SSBP2: variants seen among roughly 807,000 people sequenced by gnomAD.
The protein encoded by SSBP2 is single stranded DNA binding protein 2.
Under a neutral mutation model 61.8 loss-of-function variants are expected in SSBP2, and 17 were observed. The observed-to-expected ratio is 0.28, with a 90% CI of 0.19 to 0.41. The LOEUF (loss-of-function observed/expected upper bound fraction) is 0.41, where lower values mean the gene tolerates loss of function less well. Ranked by LOEUF, SSBP2 falls within the 10% of genes least tolerant of loss-of-function variation. The pLI is 1.00. For missense variants in SSBP2, 310 were observed against 458.7 expected (o/e 0.68, Z 2.96); for synonymous variants, 139 against 141.3 (o/e 0.98, Z 0.12).
In SSBP2 at chr5:81,482,901, G is replaced by A. The variant is rs145501664; in HGVS notation, c.432+6349C>T. Among the ~76,000 whole-genome samples, 708 of 152,116 alleles carry A rather than the reference G, an allele frequency of 4.7e-3. 3 individuals are homozygous for A. The highest frequency in any genetic ancestry group is 0.016 in the African/African-American group (646 of 41,492). ...TCCTCACTAAATGTAATCATTTTTA[G>A]CTTCTGATTTAAAGTGAGCGATGTG... On this transcript the variant is annotated intron_variant, in intron 6 of 16. Coordinates refer to ENST00000320672, the MANE Select transcript of SSBP2 (RefSeq NM_012446.5).
chr5:81,502,244 G>A (rs180903230), intron 5 of SSBP2, among the ~76,000 whole-genome samples: 48 of 152,256 alleles, frequency 3.2e-4, no homozygotes, highest in Middle Eastern at 3.4e-3. Context: ...TGACTAATTT[G>A]ACCTATCAGC....
At chr5:81,627,373 T>G (rs2153646659) in intron 3 of SSBP2, among the ~76,000 whole-genome samples, 1 of 152,320 alleles carries the variant, frequency 6.6e-6, no homozygotes, top group African/African-American at 2.4e-5. Context: ...TCACCTACAC[T>G]GTCTTATACG....
At chr5:81,535,209 A>T (rs1204119594) in intron 4 of SSBP2, among the ~76,000 whole-genome samples, 1 of 152,136 alleles carries the variant, frequency 6.6e-6, no homozygotes, top group African/African-American at 2.4e-5. Context: ...TTAGGTATAA[A>T]TCTAATAAAA....
intron 1 of SSBP2, among the ~76,000 whole-genome samples, chr5:81,686,336 T>C (rs552013081): frequency 6.6e-6 from 1 of 152,342 alleles, no homozygotes; most frequent in South Asian, 2.1e-4. Context: ...CTGAATAAAA[T>C]GTAATATTTA....
At chr5:81,701,656 A>T (rs1387131986) in intron 1 of SSBP2, among the ~76,000 whole-genome samples, 1 of 152,212 alleles carries the variant, frequency 6.6e-6, no homozygotes, top group Non-Finnish European at 1.5e-5. Context: ...TAATTTTATA[A>T]GGCCTTTTAT....
intron 1 of SSBP2, among the ~76,000 whole-genome samples, chr5:81,661,552 C>A (rs1007274691): frequency 1.3e-5 from 2 of 151,704 alleles, no homozygotes; most frequent in Admixed American, 1.3e-4. Flanking sequence ...TAACAGGTGT[C>A]AAGTGATACC....
chr5:81,731,726 CAT>C (rs1756278642), intron 1 of SSBP2, among the ~76,000 whole-genome samples: 1 of 151,960 alleles, frequency 6.6e-6, no homozygotes, highest in South Asian at 2.1e-4. Context: ...TGGGAAGACT[CAT>C]ACCCAAAATT....
chr5:81,651,494 A>AGAGT (rs1749727086), intron 1 of SSBP2, among the ~76,000 whole-genome samples: 5 of 152,198 alleles, frequency 3.3e-5, no homozygotes, highest in Non-Finnish European at 7.3e-5. Context: ...GTAGCTACTA[A>AGAGT]ACACCTTGAG....
intron 1 of SSBP2, among the ~76,000 whole-genome samples, chr5:81,660,995 C>A (rs1246627481): frequency 1.3e-5 from 2 of 148,758 alleles, no homozygotes; most frequent in African/African-American, 5.0e-5. Context: ...CAACATAAAC[C>A]GGAGCCTGTT....
chr5:81,422,422 C>T (rs966806300), intron 16 of SSBP2, among the ~76,000 whole-genome samples: 1 of 152,122 alleles, frequency 6.6e-6, no homozygotes, highest in African/African-American at 2.4e-5. Context: ...CAAAAACATG[C>T]ACTGTTCCTG....
intron 1 of SSBP2, among the ~76,000 whole-genome samples, chr5:81,678,061 A>G (rs563928140): frequency 2.6e-5 from 4 of 152,234 alleles, no homozygotes; most frequent in African/African-American, 9.6e-5. Flanking sequence ...GAGACTGAAC[A>G]AGAACCAGAA....
intron 1 of SSBP2, among the ~76,000 whole-genome samples, chr5:81,672,312 AC>A (rs1751633883): frequency 6.6e-6 from 1 of 152,172 alleles, no homozygotes; most frequent in Non-Finnish European, 1.5e-5. Flanking sequence ...TACTATGAAA[AC>A]TGTTGGAACA....
intron 4 of SSBP2, among the ~76,000 whole-genome samples, chr5:81,613,230 C>CAA (rs1164656127): frequency 6.6e-6 from 1 of 151,680 alleles, no homozygotes; most frequent in Non-Finnish European, 1.5e-5. Context: ...ACACAATGTG[C>CAA]TAATATTCAT....
At chr5:81,425,141 T>C (rs1480974365) in intron 16 of SSBP2, among the ~76,000 whole-genome samples, 2 of 152,254 alleles carry the variant, frequency 1.3e-5, no homozygotes, top group African/African-American at 2.4e-5. Context: ...TTGTGATTTT[T>C]TCCTTATTAT....
chr5:81,525,842 CCTGT>C (rs1425640132), intron 4 of SSBP2, among the ~76,000 whole-genome samples: 2 of 151,982 alleles, frequency 1.3e-5, no homozygotes, highest in African/African-American at 4.8e-5. Context: ...CTAGAATGGC[CCTGT>C]CTTAGAATCC....
At chr5:81,528,667 A>T (rs1770147559) in intron 4 of SSBP2, among the ~76,000 whole-genome samples, 1 of 152,064 alleles carries the variant, frequency 6.6e-6, no homozygotes, top group Non-Finnish European at 1.5e-5. Context: ...TAAAATAATC[A>T]TTTATTTCAT....
At chr5:81,488,173 A>T (rs2154050852) in intron 6 of SSBP2, among the ~76,000 whole-genome samples, 1 of 150,596 alleles carries the variant, frequency 6.6e-6, no homozygotes, top group South Asian at 2.1e-4. Flanking sequence ...GTAATGCTGT[A>T]ATGAACATGG....
intron 1 of SSBP2, among the ~76,000 whole-genome samples, chr5:81,740,765 G>A (rs933396103): frequency 2.6e-5 from 4 of 152,114 alleles, no homozygotes; most frequent in Admixed American, 2.6e-4. Flanking sequence ...TTCTTAATTG[G>A]CATCTTCCTC....
chr5:81,654,384 A>G (rs1307976422), intron 1 of SSBP2, among the ~76,000 whole-genome samples: 1 of 152,174 alleles, frequency 6.6e-6, no homozygotes, highest in Non-Finnish European at 1.5e-5. Context: ...ATTTCCCTGA[A>G]AGTCAGTTTT....
Sources: allele counts gnomAD v4.1 joint callset (sites outside exome capture counted in the v4.1 genomes callset), GRCh38; gene constraint gnomAD v4.1.1; transcripts MANE v1.5; gene names NCBI Gene and HGNC (gene_info 2026-07-23, HGNC 2026-07-21).